The following CSMD3 variants were observed in gnomAD, a reference collection of about 807,000 sequenced individuals.
The protein encoded by CSMD3 is CUB and Sushi multiple domains 3.
Under a neutral mutation model 435.2 loss-of-function variants are expected in CSMD3, and 177 were observed. That is an observed-to-expected ratio of 0.41 (90% confidence interval 0.36 to 0.46). CSMD3 has a LOEUF of 0.46. CSMD3 is among the 20% of genes least tolerant of loss of function. The pLI is 0.34. For missense variants in CSMD3, 4,265 were observed against 4,504.6 expected (o/e 0.95, Z 1.52); for synonymous variants, 1,656 against 1,520.5 (o/e 1.09, Z -2.07).
intron 24 of CSMD3, among the ~76,000 whole-genome samples, chr8:112,559,456 C>T (rs1410605078): frequency 6.6e-6 from 1 of 151,706 alleles, no homozygotes; most frequent in Non-Finnish European, 1.5e-5. Flanking sequence ...CTATGAAGCC[C>T]CTGGCCACTT....
rs950789093 is a variant in CSMD3 at position 112,934,026 on chromosome 8, G to A, written c.1509-12275C>T. Reference sequence around the variant, plus strand: ...TGAAGGGAAAAATTACATCATATTCGTCCTTTTATCTAGGGTTTAGCCCAA... The same window carrying A: ...TGAAGGGAAAAATTACATCATATTCATCCTTTTATCTAGGGTTTAGCCCAA... On this transcript the variant is annotated intron_variant, in intron 9 of 70. Coordinates refer to ENST00000297405, the MANE Select transcript of CSMD3 (RefSeq NM_198123.2). Among the ~76,000 whole-genome samples the A allele has an allele frequency of 1.8e-4, 27 of 151,970 alleles. 1 individual carries two copies. Among genetic ancestry groups the A allele is most frequent in the African/African-American group, 4.8e-4 (20 of 41,390 alleles).
intron 2 of CSMD3, among the ~76,000 whole-genome samples, chr8:113,299,872 A>G (rs1465057307): frequency 6.6e-6 from 1 of 152,038 alleles, no homozygotes; most frequent in Non-Finnish European, 1.5e-5. Context: ...ACATGCCTGT[A>G]TTCCCAGCTA....
intron 4 of CSMD3, among the ~76,000 whole-genome samples, chr8:113,157,597 T>TA (rs1327832814): frequency 2.0e-5 from 3 of 152,116 alleles, no homozygotes; most frequent in Admixed American, 6.6e-5. Flanking sequence ...TTTCTTTCTT[T>TA]AAAAAATCAC....
chr8:113,288,666 A>C (rs1204661094), intron 2 of CSMD3, among the ~76,000 whole-genome samples: 4 of 151,906 alleles, frequency 2.6e-5, no homozygotes, highest in Non-Finnish European at 5.9e-5. Context: ...CCCACCTTGT[A>C]TAAACTCCTG....
At chr8:112,831,991 T>G (rs1311360681) in intron 11 of CSMD3, among the ~76,000 whole-genome samples, 1 of 152,148 alleles carries the variant, frequency 6.6e-6, no homozygotes. Flanking sequence ...TTGCAATAGC[T>G]TCAAGTTCAC....
At chr8:112,600,834 C>A (rs1345209751) in intron 22 of CSMD3, among the ~76,000 whole-genome samples, 1 of 152,028 alleles carries the variant, frequency 6.6e-6, no homozygotes, top group African/African-American at 2.4e-5. Context: ...CCCGCCACTA[C>A]GCCCAGCTAA....
chr8:112,422,775 T>A (rs771391382), intron 32 of CSMD3, among the ~76,000 whole-genome samples: 2 of 152,248 alleles, frequency 1.3e-5, no homozygotes, highest in Non-Finnish European at 2.9e-5. Context: ...ATATTGATTT[T>A]ATAAATAAAT....
chr8:112,245,626 C>T (rs1279844343), intron 64 of CSMD3, among the ~76,000 whole-genome samples: 2 of 152,120 alleles, frequency 1.3e-5, no homozygotes, highest in Non-Finnish European at 2.9e-5. Context: ...CAGCCTCCAC[C>T]TCCGGGGTTC....
intron 32 of CSMD3, among the ~76,000 whole-genome samples, chr8:112,435,634 G>GT (rs1412975424): frequency 6.6e-6 from 1 of 151,970 alleles, no homozygotes; most frequent in Non-Finnish European, 1.5e-5. Flanking sequence ...AACTTAAAAT[G>GT]TTTTTTGGTA....
At chr8:112,287,840 A>G (rs903123156) in intron 57 of CSMD3, among the ~76,000 whole-genome samples, 8 of 152,118 alleles carry the variant, frequency 5.3e-5, no homozygotes, top group African/African-American at 1.7e-4. Context: ...AATGTAAAAG[A>G]CCAAAATTTA....
intron 1 of CSMD3, among the ~76,000 whole-genome samples, chr8:113,410,679 G>T (rs1411150224): frequency 6.6e-6 from 1 of 151,542 alleles, no homozygotes; most frequent in East Asian, 1.9e-4. Context: ...GTAGGCTGAG[G>T]TGGGAGGATT....
intron 45 of CSMD3, among the ~76,000 whole-genome samples, chr8:112,329,979 C>A (rs945181119): frequency 2.6e-5 from 4 of 151,938 alleles, no homozygotes; most frequent in African/African-American, 9.7e-5. Flanking sequence ...ATGTCCATAC[C>A]CCCGTTCTCT....
At chr8:112,504,077 T>G in intron 29 of CSMD3, 100 bp from the exon 30 acceptor site, 1 of 696,674 alleles carries the variant, frequency 1.4e-6, no homozygotes, top group Non-Finnish European at 2.3e-6. Context: ...ATTAATTCAG[T>G]GCTTAAAAAT....
At chr8:112,854,128 A>G (rs981749191) in intron 11 of CSMD3, among the ~76,000 whole-genome samples, 1 of 152,204 alleles carries the variant, frequency 6.6e-6, no homozygotes, top group Non-Finnish European at 1.5e-5. Context: ...TATGCATTAC[A>G]TATGCAATGC....
At chr8:112,999,347 G>T (rs1292235506) in intron 6 of CSMD3, among the ~76,000 whole-genome samples, 1 of 151,878 alleles carries the variant, frequency 6.6e-6, no homozygotes, top group Non-Finnish European at 1.5e-5. Context: ...AAATTTTCTA[G>T]ACAGAAGGAA....
chr8:113,286,566 T>A (rs1424618982), intron 2 of CSMD3, among the ~76,000 whole-genome samples: 1 of 152,034 alleles, frequency 6.6e-6, no homozygotes, highest in African/African-American at 2.4e-5. Context: ...TTAAAGCATA[T>A]AAGAATCAGC....
chr8:112,233,065 A>G lies in CSMD3; in HGVS notation c.10740+1300T>C, dbSNP rs567326469. ...TACTACATGCACCTTACATTTGTATACAATATTATATTTAAAAAATACTTT... is the reference window on the plus strand; with the variant it reads ...TACTACATGCACCTTACATTTGTATGCAATATTATATTTAAAAAATACTTT... On this transcript the variant is annotated intron_variant, in intron 68 of 70. Transcript: ENST00000297405. 1.8e-3 allele frequency among the ~76,000 whole-genome samples: 271 copies of G among 152,326 alleles called. 1 individual carries two copies. Among genetic ancestry groups the G allele is most frequent in the African/African-American group, 6.3e-3 (262 of 41,568 alleles).
At chr8:112,946,582 GA>G (rs149236693) in intron 9 of CSMD3, among the ~76,000 whole-genome samples, 1,562 of 151,616 alleles carry the variant, frequency 0.01, 28 homozygotes, top group African/African-American at 0.036. Context: ...AAAATACTTG[GA>G]AAAAATAATT....
At chr8:112,895,997 T>C (rs2081940348) in intron 10 of CSMD3, among the ~76,000 whole-genome samples, 1 of 151,492 alleles carries the variant, frequency 6.6e-6, no homozygotes. Flanking sequence ...TTTCAGTGAG[T>C]TATCTGTACT....
Sources: gnomAD v4.1 joint callset for allele counts (sites outside exome capture counted in the v4.1 genomes callset) on GRCh38, gnomAD v4.1.1 for gene constraint, MANE v1.5 for transcripts, NCBI Gene and HGNC (gene_info 2026-07-23, HGNC 2026-07-21) for gene names.